The following TOX3 variants were observed in gnomAD, a reference collection of about 807,000 sequenced individuals.
TOX3 encodes TOX high mobility group box family member 3, also known as CAG trinucleotide repeat-containing gene F9 protein.
Under a neutral mutation model 64.3 loss-of-function variants are expected in TOX3, and 22 were observed. The observed-to-expected ratio is 0.34, with a 90% CI of 0.24 to 0.49. The LOEUF is 0.49. Ranked by LOEUF, TOX3 falls within the 20% of genes least tolerant of loss-of-function variation. The pLI is 0.99. For missense variants in TOX3, 661 were observed against 714.4 expected (o/e 0.93, Z 0.85); for synonymous variants, 291 against 273.6 (o/e 1.06, Z -0.63).
chr16:52,447,749 G>A (rs548356742), intron 4 of TOX3, among the ~76,000 whole-genome samples: 1 of 152,134 alleles, frequency 6.6e-6, no homozygotes, highest in Non-Finnish European at 1.5e-5. Context: ...ATTTCCAAGA[G>A]AGTCAGATGC....
chr16:52,517,448 C>A (rs937093506), intron 1 of TOX3, among the ~76,000 whole-genome samples: 1 of 152,038 alleles, frequency 6.6e-6, no homozygotes, highest in African/African-American at 2.4e-5. Context: ...GCAAAGTATT[C>A]TCTTGTCATA....
rs1175605284 is a variant in TOX3, at chr16:52,439,255, A to C, written c.1701T>G (p.Thr567=). The part of the protein sequence containing the change: ...HQSQIQSQTQ[T]QVLSQVSIF ...AAATACTGACCTGCGATAATACTTG[A>C]GTCTGTGTCTGAGACTGTATTTGCG... The change falls in exon 7 of 7, where the codon ACT becomes ACG. Residue 567 remains threonine (T), a synonymous_variant. Coordinates refer to ENST00000219746, the MANE Select transcript of TOX3 (RefSeq NM_001080430.4). The C allele has an allele frequency of 6.2e-7, 1 of 1,613,642 alleles. No homozygotes were observed. The highest frequency in any genetic ancestry group is 1.3e-5 in the African/African-American group (1 of 74,822).
chr16:52,452,457 T>C (rs1267755117), intron 3 of TOX3, among the ~76,000 whole-genome samples: 1 of 151,870 alleles, frequency 6.6e-6, no homozygotes, highest in African/African-American at 2.4e-5. Context: ...ATAGTGTATA[T>C]GTGCCACATT....
intron 1 of TOX3, among the ~76,000 whole-genome samples, chr16:52,470,741 G>A (rs999064518): frequency 3.9e-5 from 6 of 152,296 alleles, no homozygotes; most frequent in South Asian, 2.1e-4. Flanking sequence ...GCCACGCAGC[G>A]TTTAGTCAAG....
chr16:52,503,122 T>C (rs78672635), intron 1 of TOX3, among the ~76,000 whole-genome samples: 2 of 152,340 alleles, frequency 1.3e-5, no homozygotes, highest in African/African-American at 4.8e-5. Context: ...TATTAGTATC[T>C]ACCTTTTTTT....
chr16:52,468,609 G>A (rs138141886), intron 1 of TOX3, 35 bp from the exon 2 acceptor site: 126 of 1,510,286 alleles, frequency 8.3e-5, no homozygotes, highest in African/African-American at 2.3e-4. Flanking sequence ...GTTAATATGC[G>A]GCATAATAAA....
chr16:52,485,232 GT>G (rs1344287937), intron 1 of TOX3, among the ~76,000 whole-genome samples: 1 of 115,526 alleles, frequency 8.7e-6, no homozygotes, highest in Non-Finnish European at 1.7e-5. Flanking sequence ...ATGTGTGTGT[GT>G]GTATGTGTGT....
chr16:52,530,823 G>T (rs984434226), intron 1 of TOX3, among the ~76,000 whole-genome samples: 1 of 151,904 alleles, frequency 6.6e-6, no homozygotes, highest in African/African-American at 2.4e-5. Flanking sequence ...ACTTGACTAC[G>T]TTTTCCTTTA....
intron 1 of TOX3, among the ~76,000 whole-genome samples, chr16:52,503,799 G>A (rs970303168): frequency 3.3e-5 from 5 of 152,146 alleles, no homozygotes; most frequent in Non-Finnish European, 7.4e-5. Flanking sequence ...CATACATGTT[G>A]TAAATTAATC....
chr16:52,482,705 G>A (rs1961400908), intron 1 of TOX3, among the ~76,000 whole-genome samples: 1 of 152,094 alleles, frequency 6.6e-6, no homozygotes, highest in African/African-American at 2.4e-5. Context: ...AAAGTAAAAT[G>A]TTAGCACCTT....
intron 6 of TOX3, 64 bp downstream of exon 6, chr16:52,444,212 T>C: frequency 3.1e-6 from 4 of 1,288,098 alleles, no homozygotes; most frequent in South Asian, 1.6e-5. Flanking sequence ...ATGTTTTCAA[T>C]GCTTGAGGGC....
At position 52,546,691 on chromosome 16, in the gene TOX3, C is replaced by T; in HGVS notation, c.33G>A (p.Gly11=). ...GCGCGAAGTCCAGGCTGGCAGGGTC[C>T]CCGGCCGCCGCGGGGTAGAACCTCA... MDVRFYPAAA[G]DPASLDFAQC... The change falls in exon 1 of 7, where the codon GGG becomes GGA. Residue 11 remains glycine (G), a synonymous_variant. Transcript: ENST00000219746. The T allele has an allele frequency of 1.3e-6, 2 of 1,542,202 alleles. No homozygotes were observed. The highest frequency in any genetic ancestry group is 1.4e-5 in the African/African-American group (1 of 73,216).
At position 52,439,604 on chromosome 16, in the gene TOX3, T is replaced by C. The variant is rs1490789788; in HGVS notation, c.1352A>G (p.Gln451Arg). ...CATCTGTTGCATCTGTTGTTGTTGCTGCTGCTGCTGCTGCTGCAATTGCAT... is the reference window on the plus strand; with the variant it reads ...CATCTGTTGCATCTGTTGTTGTTGCCGCTGCTGCTGCTGCTGCAATTGCAT... ...HQMQLQQQQQ[Q>R]QQQQMQQMQQ... Residue 451 changes from glutamine (Q) to arginine (R), a missense_variant, in exon 7 of 7, where the codon CAG (glutamine) becomes CGG (arginine). Physicochemically the swap from Gln to Arg is conservative, Grantham distance 43. This residue lies in a region of TOX3 where 299 missense variants were observed against 292.1 expected (regional missense o/e 1.02). Coordinates refer to ENST00000219746, the MANE Select transcript of TOX3 (RefSeq NM_001080430.4). 3 of 1,603,296 alleles carry C rather than the reference T, an allele frequency of 1.9e-6. No homozygotes were observed. Among genetic ancestry groups the C allele is most frequent in the Admixed American group, 3.4e-5 (2 of 58,756 alleles).
intron 1 of TOX3, among the ~76,000 whole-genome samples, chr16:52,481,470 T>A (rs576732047): frequency 9.8e-5 from 15 of 152,352 alleles, no homozygotes; most frequent in Admixed American, 2.6e-4. Context: ...CTTAATCATA[T>A]TTGATAAACC....
rs1399702388 is a variant in TOX3, at chr16:52,438,412, G to A, written c.*813C>T. ...TTTTTCTTTTTAAATCTTAACTTTT[G>A]TAATAACTGTTTTCATTTAAGTGCA... is the stretch of plus-strand genomic sequence containing the variant. On this transcript the variant is annotated 3_prime_UTR_variant, in exon 7 of 7. Transcript: ENST00000219746. The A allele has an allele frequency of 6.6e-6, 1 of 152,540 alleles. No homozygotes were observed. The highest frequency in any genetic ancestry group is 1.5e-5 in the Non-Finnish European group (1 of 68,020). 9.4% of individuals were successfully genotyped at this position (152,540 alleles called of 1,614,324 possible).
chr16:52,529,061 C>T (rs1376937967), intron 1 of TOX3, among the ~76,000 whole-genome samples: 1 of 152,188 alleles, frequency 6.6e-6, no homozygotes, highest in African/African-American at 2.4e-5. Context: ...AACCTTAGCA[C>T]AGTCTTCGGG....
chr16:52,436,777 C>A lies in TOX3; in HGVS notation c.*2448G>T, dbSNP rs148557932. 59 of 152,312 alleles carry A rather than the reference C, an allele frequency of 3.9e-4. No individual in the cohort carries two copies. The highest frequency in any genetic ancestry group is 1.4e-3 in the African/African-American group (57 of 41,566). The allele number at this position is 152,312 out of a possible 1,614,324, so 9.4% of individuals were successfully genotyped here. On this transcript the variant is annotated 3_prime_UTR_variant, in exon 7 of 7. Coordinates refer to ENST00000219746, the MANE Select transcript of TOX3 (RefSeq NM_001080430.4). ...CATTTAATAGATGTTACAACACCTG[C>A]TTCTAACTGCAAACAGTTGAAAACA...
chr16:52,466,423 A>G (rs1960864786), intron 2 of TOX3, among the ~76,000 whole-genome samples: 1 of 152,162 alleles, frequency 6.6e-6, no homozygotes, highest in Non-Finnish European at 1.5e-5. Flanking sequence ...TGCAAACCTA[A>G]AGACTTCCTG....
chr16:52,454,389 C>A (rs371837603), intron 3 of TOX3, among the ~76,000 whole-genome samples: 6 of 152,242 alleles, frequency 3.9e-5, no homozygotes, highest in Middle Eastern at 3.4e-3. Flanking sequence ...GACAAGATAC[C>A]AAGGGCCTCT....
Sources: gnomAD v4.1 joint callset for allele counts (sites outside exome capture counted in the v4.1 genomes callset) on GRCh38, gnomAD v4.1.1 for gene constraint, gnomAD v4.1.1 regional missense constraint, MANE v1.5 for transcripts, NCBI Gene and HGNC (gene_info 2026-07-23, HGNC 2026-07-21) for gene names.